The following CMIP variants were observed in gnomAD, a reference collection of about 807,000 sequenced individuals.
CMIP encodes the protein C-Maf-inducing protein.
A neutral mutation model predicts 97.3 loss-of-function variants in CMIP; 13 were observed. The observed-to-expected ratio is 0.13, with a 90% CI of 0.09 to 0.21. The LOEUF (loss-of-function observed/expected upper bound fraction) is 0.21. CMIP is among the 10% of genes least tolerant of loss of function. The pLI is 1.00. For synonymous variants in CMIP, 538 were observed against 436.3 expected, an observed-to-expected ratio of 1.23 and a Z score of -2.91; for missense variants, 847 against 1,024.9, an observed-to-expected ratio of 0.83 and a Z score of 2.37.
rs890633558 is a variant in CMIP, at chr16:81,453,430, G to C, written c.300+7889G>C. ...ATATGGAGAAGGAAGATCACACCGG[G>C]ACTGCTGCTAGCTTCTCTGGGTGTC... On this transcript the variant is annotated intron_variant, in intron 1 of 20. Coordinates refer to ENST00000537098, the MANE Select transcript of CMIP (RefSeq NM_198390.3). This position sits in a 1 kb window ranked among gnomAD's most constrained non-coding sequence, Gnocchi z 4.0. Among the ~76,000 whole-genome samples the C allele has an allele frequency of 2.6e-5, 4 of 152,212 alleles. No individual in the cohort carries two copies. Among genetic ancestry groups the C allele is most frequent in the African/African-American group, 7.2e-5 (3 of 41,442 alleles).
chr16:81,513,041 T>C (rs2089843814), intron 1 of CMIP, among the ~76,000 whole-genome samples: 1 of 152,234 alleles, frequency 6.6e-6, no homozygotes, highest in Non-Finnish European at 1.5e-5. Flanking sequence ...CCGGCTTATT[T>C]GATGAATTTC....
At chr16:81,542,607 A>T (rs997129686) in intron 1 of CMIP, among the ~76,000 whole-genome samples, 3 of 152,072 alleles carry the variant, frequency 2.0e-5, no homozygotes, top group African/African-American at 7.2e-5. Context: ...ACAGGCATTT[A>T]TTGTTTCAGA....
chr16:81,678,385 C>A lies in CMIP; in HGVS notation c.1145C>A (p.Ser382Tyr). 1 of 1,610,890 alleles carries A rather than the reference C, an allele frequency of 6.2e-7. No homozygotes were observed. The change falls in exon 10 of 21, where the codon TCT (serine) becomes TAT (tyrosine). Residue 382 changes from serine (S) to tyrosine (Y), a missense_variant. Ser to Tyr is a moderately radical substitution (Grantham distance 144, BLOSUM62 -2). Transcript: ENST00000537098. ...CTGCACCCCAGCCCGGACCTGGTGT[C>A]TCAGGAAGCCACGCTGTCTGAGGCC... ...RLLHPSPDLV[S>Y]QEATLSEARL...
intron 1 of CMIP, among the ~76,000 whole-genome samples, chr16:81,525,562 G>A (rs527924913): frequency 6.6e-6 from 1 of 152,206 alleles, no homozygotes; most frequent in Non-Finnish European, 1.5e-5. Context: ...ATGTTGCCCA[G>A]GAACTCCTGG....
At chr16:81,523,116 C>A (rs911628580) in intron 1 of CMIP, among the ~76,000 whole-genome samples, 1 of 152,068 alleles carries the variant, frequency 6.6e-6, no homozygotes, top group African/African-American at 2.4e-5. Flanking sequence ...GACAGGACTT[C>A]GCTATGTTGC....
intron 3 of CMIP, among the ~76,000 whole-genome samples, chr16:81,635,007 C>T (rs2092216291): frequency 6.6e-6 from 1 of 152,192 alleles, no homozygotes; most frequent in Non-Finnish European, 1.5e-5. Flanking sequence ...CCTGTGGTGT[C>T]CCTCACTGTA....
intron 4 of CMIP, among the ~76,000 whole-genome samples, chr16:81,653,854 C>G (rs1332741831): frequency 6.6e-6 from 1 of 152,232 alleles, no homozygotes; most frequent in Non-Finnish European, 1.5e-5. Flanking sequence ...TTCAAATGGT[C>G]CATCTGCCTT....
chr16:81,627,637 C>A lies in CMIP; in HGVS notation c.477+6711C>A, dbSNP rs1220217941. On this transcript the variant is annotated intron_variant, in intron 3 of 20. Coordinates refer to ENST00000537098, the MANE Select transcript of CMIP (RefSeq NM_198390.3). This position sits in a 1 kb window ranked among gnomAD's most constrained non-coding sequence, Gnocchi z 4.6. ...GTCCCCTGTGTCCAGCACTATGTGC[C>A]CCTGTGCTCCTGAGTCCGGAAACAG... 1.0e-5 allele frequency among the ~76,000 whole-genome samples: 1 copy of A among 95,618 alleles called. No homozygotes were observed. The highest frequency in any genetic ancestry group is 2.6e-5 in the Non-Finnish European group (1 of 37,932). The allele number at this position is 95,618 out of a possible 152,430, so 62.7% of individuals were successfully genotyped here.
intron 1 of CMIP, among the ~76,000 whole-genome samples, chr16:81,500,968 G>T (rs1239284925): frequency 2.0e-5 from 3 of 152,204 alleles, no homozygotes; most frequent in Non-Finnish European, 2.9e-5. Context: ...ATTGGATTGC[G>T]CAGGTGCCCT....
Position 81,445,383 on chromosome 16 carries a change from A to G in CMIP, c.142A>G (p.Asn48Asp). Residue 48 changes from asparagine (N) to aspartate (D), a missense_variant, in exon 1 of 21, where the codon AAC becomes GAC. Physicochemically the swap from Asn to Asp is conservative, Grantham distance 23. This residue lies in a region of CMIP where 94 missense variants were observed against 79.9 expected (regional missense o/e 1.18). Transcript: ENST00000537098. ...VPCRRALLLC[N>D]GMRYKLLQEG... is the part of the protein sequence containing the mutation. ...CTGCCGCCGGGCTCTTCTGCTTTGC[A>G]ACGGGATGAGGTACAAACTGCTGCA... 1.2e-6 allele frequency: 2 copies of G among 1,605,980 alleles called. No homozygotes were observed. Among genetic ancestry groups the G allele is most frequent in the Non-Finnish European group, 1.7e-6 (2 of 1,176,524 alleles).
At chr16:81,560,012 G>A (rs1306653867) in intron 1 of CMIP, among the ~76,000 whole-genome samples, 1 of 151,860 alleles carries the variant, frequency 6.6e-6, no homozygotes. Flanking sequence ...GCGGGGCATA[G>A]TGGTGTGCAC....
intron 1 of CMIP, among the ~76,000 whole-genome samples, chr16:81,600,301 T>C (rs904180355): frequency 7.4e-6 from 1 of 134,296 alleles, no homozygotes; most frequent in African/African-American, 2.8e-5. Context: ...AAAAAAGATA[T>C]ATAAAGCTGG....
chr16:81,496,644 G>T (rs2089496208), intron 1 of CMIP, among the ~76,000 whole-genome samples: 1 of 152,222 alleles, frequency 6.6e-6, no homozygotes. Flanking sequence ...TGCTTCCAGG[G>T]ATTTGGTATC....
intron 16 of CMIP, among the ~76,000 whole-genome samples, chr16:81,702,375 C>T (rs952848005): frequency 6.6e-6 from 1 of 152,118 alleles, no homozygotes; most frequent in Admixed American, 6.5e-5. Flanking sequence ...GATAACACCC[C>T]TTCCATTATA....
chr16:81,500,827 C>T (rs2089596138), intron 1 of CMIP, among the ~76,000 whole-genome samples: 1 of 152,106 alleles, frequency 6.6e-6, no homozygotes, highest in Admixed American at 6.6e-5. Context: ...CTGTCCTTCC[C>T]TTCCTCCCTC....
chr16:81,709,683 G>A, intron 20 of CMIP, 63 bp from the exon 21 acceptor site: 2 of 1,579,738 alleles, frequency 1.3e-6, no homozygotes. Flanking sequence ...GTGGAGCCAG[G>A]CACTGGCAGC....
At chr16:81,523,226 A>G (rs375543771) in intron 1 of CMIP, among the ~76,000 whole-genome samples, 2 of 152,188 alleles carry the variant, frequency 1.3e-5, no homozygotes, top group African/African-American at 2.4e-5. Context: ...TGCTTTGTGT[A>G]TGTTTTTAAA....
chr16:81,547,693 T>C (rs901466621), intron 1 of CMIP, among the ~76,000 whole-genome samples: 1 of 152,114 alleles, frequency 6.6e-6, no homozygotes, highest in African/African-American at 2.4e-5. Context: ...GTTAGTTCAG[T>C]GTACCCAAGA....
chr16:81,447,711 C>T (rs953938425), intron 1 of CMIP, among the ~76,000 whole-genome samples: 9 of 152,244 alleles, frequency 5.9e-5, no homozygotes, highest in African/African-American at 1.9e-4. Flanking sequence ...CTTTCCGCTG[C>T]CTTTCGTCAC....
Sources: gnomAD v4.1 joint callset for allele counts (sites outside exome capture counted in the v4.1 genomes callset) on GRCh38, gnomAD v4.1.1 for gene constraint, gnomAD v4.1.1 regional missense constraint, Gnocchi (gnomAD v3.1) non-coding constraint, MANE v1.5 for transcripts, NCBI Gene and HGNC (gene_info 2026-07-23, HGNC 2026-07-21) for gene names.